SPESP1: variants seen among roughly 807,000 people sequenced by gnomAD.
The protein encoded by SPESP1 is equatorial segment protein.
Under a neutral mutation model 3.1 loss-of-function variants are expected in SPESP1, and 1 was observed. The observed-to-expected ratio is 0.33, with a 90% CI of 0.12 to 1.54. The LOEUF is 1.54. SPESP1 is among the 40% of genes most tolerant of loss of function. SPESP1 has a pLI of 0.38. For synonymous variants in SPESP1, 138 were observed against 150.7 expected (o/e 0.92, Z 0.62); for missense variants, 398 against 410.1 (o/e 0.97, Z 0.26).
At chr15:68,937,513 A>G (rs1895712981) in intron 1 of SPESP1, among the ~76,000 whole-genome samples, 1 of 152,122 alleles carries the variant, frequency 6.6e-6, no homozygotes, top group Non-Finnish European at 1.5e-5. Flanking sequence ...TTCTAAAAAA[A>G]AAACAGGATC....
chr15:68,943,853 T>A (rs1303015073), intron 1 of SPESP1, among the ~76,000 whole-genome samples: 1 of 152,160 alleles, frequency 6.6e-6, no homozygotes, highest in Non-Finnish European at 1.5e-5. Context: ...AAAAAAGAAT[T>A]TTTTAAGATT....
chr15:68,931,060 G>A (rs776964952), intron 1 of SPESP1, among the ~76,000 whole-genome samples: 6 of 152,180 alleles, frequency 3.9e-5, no homozygotes, highest in Non-Finnish European at 7.4e-5. Flanking sequence ...CTGCTGGCCA[G>A]CTAGGAATGA....
rs781441244 is a variant in SPESP1, at chr15:68,945,989, C to G, written c.455C>G (p.Ala152Gly). Residue 152 changes from alanine (A) to glycine (G), a missense_variant, in exon 2 of 2, where the codon GCT (alanine) becomes GGT (glycine). By Grantham distance (60) the Ala-to-Gly change is moderately conservative (BLOSUM62 0). Coordinates refer to ENST00000310673, the MANE Select transcript of SPESP1 (RefSeq NM_145658.4). ...NEEPEPEPEP[A>G]AKQTEAPRML... is the part of the protein sequence containing the mutation. ...GAGCCAGAGCCAGAGCCGGAGCCAG[C>G]TGCAAAACAAACTGAGGCACCAAGA... 2 of 1,614,172 alleles carry G rather than the reference C, an allele frequency of 1.2e-6. No individual in the cohort carries two copies. Among genetic ancestry groups the G allele is most frequent in the East Asian group, 2.2e-5 (1 of 44,880 alleles).
intron 1 of SPESP1, among the ~76,000 whole-genome samples, chr15:68,932,025 AG>A (rs1249758276): frequency 6.6e-6 from 1 of 152,250 alleles, no homozygotes; most frequent in Non-Finnish European, 1.5e-5. Context: ...TTCTAGATGA[AG>A]TTCTAGGTAA....
At chr15:68,939,049 C>A (rs577805553) in intron 1 of SPESP1, among the ~76,000 whole-genome samples, 16 of 152,292 alleles carry the variant, frequency 1.1e-4, no homozygotes, top group African/African-American at 3.6e-4. Flanking sequence ...TGTTGTGTGA[C>A]AGTTCTTCCT....
In SPESP1 at chr15:68,946,287, A is replaced by G. The variant is rs754778577; in HGVS notation, c.753A>G (p.Arg251=). The change falls in exon 2 of 2, where the codon AGA becomes AGG. Residue 251 remains arginine, a synonymous_variant. Transcript: ENST00000310673. ...GTGACACCAGCAACCCAGCATATAG[A>G]GAAGATATTGAAGCCTCTAAAGATC... is the stretch of plus-strand genomic sequence containing the variant. ...LLSDTSNPAY[R]EDIEASKDHL... is the part of the protein sequence containing the mutation. The G allele has an allele frequency of 2.5e-6, 4 of 1,614,128 alleles. No individual in the cohort carries two copies. The Middle Eastern group carries it at 4.9e-4, about 200-fold the overall frequency.
At position 68,945,583 on chromosome 15, in the gene SPESP1, G is replaced by T; in HGVS notation, c.65-16G>T. The T allele has an allele frequency of 2.0e-6, 3 of 1,518,596 alleles. No homozygotes were observed. The South Asian group carries it at 4.2e-5, about 21-fold the overall frequency. 94.1% of individuals were successfully genotyped at this position (1,518,596 alleles called of 1,614,324 possible). A position where few individuals can be genotyped will look rare whatever the true frequency, so the allele number is the denominator to read the frequency against. On this transcript the variant is annotated splice_polypyrimidine_tract_variant and intron_variant, in intron 1 of 1. Transcript: ENST00000310673. ...AATAAATGTTACTTATTATTTATTT[G>T]ATTTTTTCCCTGAAGGCATAACTGT...
At chr15:68,941,758 C>G (rs1895829613) in intron 1 of SPESP1, among the ~76,000 whole-genome samples, 1 of 152,178 alleles carries the variant, frequency 6.6e-6, no homozygotes, top group African/African-American at 2.4e-5. Flanking sequence ...GTAATATTTA[C>G]AGGTTCTAGG....
Position 68,946,140 on chromosome 15 carries a change from C to G in SPESP1, c.606C>G (p.Leu202=). Residue 202 remains leucine (L), a synonymous_variant, in exon 2 of 2, where the codon CTC becomes CTG. Transcript: ENST00000310673. ...CAGAATCAGAAGATGTTCCTCAGCTCTCAGGTGAAACTGCGATAGAAAAAC... is the reference window on the plus strand; with the variant it reads ...CAGAATCAGAAGATGTTCCTCAGCTGTCAGGTGAAACTGCGATAGAAAAAC... The part of the protein sequence containing the change: ...ISTESEDVPQ[L]SGETAIEKPE... 6.2e-7 allele frequency: 1 copy of G among 1,614,148 alleles called. No homozygotes were observed. The highest frequency in any genetic ancestry group is 8.5e-7 in the Non-Finnish European group (1 of 1,180,038).
intron 1 of SPESP1, among the ~76,000 whole-genome samples, chr15:68,942,539 T>A (rs1245469694): frequency 1.3e-5 from 2 of 152,202 alleles, no homozygotes; most frequent in Non-Finnish European, 2.9e-5. Context: ...GCTTCTACTG[T>A]TTCCCACTAA....
In SPESP1 at chr15:68,946,466, A is replaced by G. The variant is rs766562039; in HGVS notation, c.932A>G (p.Tyr311Cys). Residue 311 changes from tyrosine to cysteine, a missense_variant, in exon 2 of 2, where the codon TAT (tyrosine) becomes TGT (cysteine). Tyr to Cys is a radical substitution (Grantham distance 194, BLOSUM62 -2). Transcript: ENST00000310673. ...CTGTGTAATTCTAGATCTAAACTCT[A>G]TGAATATTTAGATATTAAATGTGTT... The part of the protein sequence containing the change: ...NMLCNSRSKL[Y>C]EYLDIKCVPP... The G allele has an allele frequency of 9.3e-6, 15 of 1,613,828 alleles. No homozygotes were observed. The highest frequency in any genetic ancestry group is 2.2e-5 in the East Asian group (1 of 44,870).
At position 68,930,540 on chromosome 15, in the gene SPESP1, A is replaced by G. The variant is rs1895500342; in HGVS notation, c.-114A>G. Reference sequence around the variant, plus strand: ...GGGGACAACCGTTGCTGGGTGTCCCAGGGCCTGAGGCAGGACGGTACTCCG... The same window carrying G: ...GGGGACAACCGTTGCTGGGTGTCCCGGGGCCTGAGGCAGGACGGTACTCCG... On this transcript the variant is annotated 5_prime_UTR_variant, in exon 1 of 2. Transcript: ENST00000310673. 6 of 1,402,038 alleles carry G rather than the reference A, an allele frequency of 4.3e-6. No individual in the cohort carries two copies. In the South Asian group the frequency reaches 7.2e-5, roughly 17 times the overall value. 86.8% of individuals were successfully genotyped at this position (1,402,038 alleles called of 1,614,324 possible).
At chr15:68,931,166 C>G (rs750971843) in intron 1 of SPESP1, among the ~76,000 whole-genome samples, 1 of 151,960 alleles carries the variant, frequency 6.6e-6, no homozygotes, top group African/African-American at 2.4e-5. Context: ...TATCCATGTG[C>G]CATATTGGTG....
rs1234674480 is a variant in SPESP1, at chr15:68,945,814, A to G, written c.280A>G (p.Ile94Val). ...TGAGAATGATGTTTTAACCAATCCT[A>G]TCAGTGAAGAAACTACAACTTTCCC... The part of the protein sequence containing the change: ...STENDVLTNP[I>V]SEETTTFPTG... Residue 94 changes from isoleucine to valine, a missense_variant, in exon 2 of 2, where the codon ATC becomes GTC. Ile to Val is a conservative substitution (Grantham distance 29, BLOSUM62 3). Transcript: ENST00000310673. 6.2e-7 allele frequency: 1 copy of G among 1,614,042 alleles called. No individual in the cohort carries two copies. Among genetic ancestry groups the G allele is most frequent in the Non-Finnish European group, 8.5e-7 (1 of 1,179,994 alleles).
intron 1 of SPESP1, 150 bp downstream of exon 1, chr15:68,930,867 G>A: frequency 1.6e-6 from 2 of 1,231,654 alleles, no homozygotes; most frequent in Non-Finnish European, 2.3e-6. Flanking sequence ...ACGCCGAGGG[G>A]TGTCCCTCTC....
At chr15:68,942,534 T>C (rs1895853766) in intron 1 of SPESP1, among the ~76,000 whole-genome samples, 1 of 152,214 alleles carries the variant, frequency 6.6e-6, no homozygotes, top group Non-Finnish European at 1.5e-5. Context: ...GAAAAGCTTC[T>C]ACTGTTTCCC....
chr15:68,940,365 C>T (rs1422088709), intron 1 of SPESP1, among the ~76,000 whole-genome samples: 2 of 152,100 alleles, frequency 1.3e-5, no homozygotes, highest in Admixed American at 1.3e-4. Context: ...CAGCATGAAG[C>T]ACTAAAATAT....
At chr15:68,932,009 G>A (rs924578048) in intron 1 of SPESP1, among the ~76,000 whole-genome samples, 1 of 152,166 alleles carries the variant, frequency 6.6e-6, no homozygotes, top group Non-Finnish European at 1.5e-5. Flanking sequence ...ATAGTAATGG[G>A]AAAAGTTCTA....
At chr15:68,933,187 G>C (rs192547317) in intron 1 of SPESP1, among the ~76,000 whole-genome samples, 235 of 152,254 alleles carry the variant, frequency 1.5e-3, no homozygotes, top group African/African-American at 5.5e-3. Flanking sequence ...AACATCACGG[G>C]TGTATTAAGT....
Sources: allele counts gnomAD v4.1 joint callset (sites outside exome capture counted in the v4.1 genomes callset), GRCh38; gene constraint gnomAD v4.1.1; transcripts MANE v1.5; gene names NCBI Gene and HGNC (gene_info 2026-07-23, HGNC 2026-07-21).